Variants in MDN1 observed in about 807,000 individuals in gnomAD.
MDN1 encodes the protein midasin AAA ATPase 1.
Under a neutral mutation model 669.2 loss-of-function variants are expected in MDN1, and 266 were observed. The observed-to-expected ratio is 0.40, with a 90% confidence interval of 0.36 to 0.44. The LOEUF (loss-of-function observed/expected upper bound fraction) is 0.44. Ranked by LOEUF, MDN1 falls within the 20% of genes least tolerant of loss-of-function variation. The probability of loss-of-function intolerance (pLI) is 1.00; values close to 1 mark genes in which losing one functional copy is unlikely to be tolerated. For synonymous variants in MDN1, 2,385 were observed against 2,457.1 expected, an observed-to-expected ratio of 0.97 and a Z score of 0.87; for missense variants, 5,940 against 6,754.0, an observed-to-expected ratio of 0.88 and a Z score of 4.22.
In MDN1 at chr6:89,647,908, G is replaced by A. The variant is rs1001932099; in HGVS notation, c.16395+124C>T. 6 of 721,964 alleles carry A rather than the reference G, an allele frequency of 8.3e-6. No individual in the cohort carries two copies. The Admixed American group carries it at 1.3e-4, about 15-fold the overall frequency. The allele number at this position is 721,964 out of a possible 1,614,324, so 44.7% of individuals were successfully genotyped here. A position where few individuals can be genotyped will look rare whatever the true frequency, so the allele number is the denominator to read the frequency against. On this transcript the variant is annotated intron_variant, in intron 99 of 101. Transcript: ENST00000369393. ...TTCGAAGCTATAGTGAGCTATGATG[G>A]CGCCATTGTACTCTAGCCTGGGTGA...
chr6:89,800,804 C>G (rs947086239), intron 2 of MDN1, among the ~76,000 whole-genome samples: 1 of 152,044 alleles, frequency 6.6e-6, no homozygotes, highest in African/African-American at 2.4e-5. Flanking sequence ...ATGAGATACT[C>G]TTGTGGGACT....
chr6:89,817,835 G>C (rs1319492705), intron 1 of MDN1, among the ~76,000 whole-genome samples: 1 of 1,900 alleles, frequency 5.3e-4, no homozygotes, highest in East Asian at 0.17. Flanking sequence ...CATTTACGAC[G>C]GATAACTGTT....
chr6:89,726,057 C>T (rs1470234825), intron 37 of MDN1, among the ~76,000 whole-genome samples: 1 of 152,030 alleles, frequency 6.6e-6, no homozygotes, highest in African/African-American at 2.4e-5. Flanking sequence ...AAAAGTTAAA[C>T]TGTATCCATT....
Position 89,695,867 on chromosome 6 carries a change from C to A in MDN1, c.9509G>T (p.Ser3170Ile). Reference sequence around the variant, plus strand: ...CTGGCCCACATGCTGGAAGGCCTGGCTGCTCCCAAGCAGCAGCTGCTCACA... The same window carrying A: ...CTGGCCCACATGCTGGAAGGCCTGGATGCTCCCAAGCAGCAGCTGCTCACA... ...QNCEQLLLGS[S>I]QAFQHVGQTL... Residue 3170 changes from serine to isoleucine, a missense_variant, in exon 61 of 102, where the codon AGC (serine) becomes ATC (isoleucine). By Grantham distance (142) the Ser-to-Ile change is moderately radical. This residue lies in a region of MDN1 where 2,292 missense variants were observed against 2,638.3 expected (regional missense o/e 0.87). Coordinates refer to ENST00000369393, the MANE Select transcript of MDN1 (RefSeq NM_014611.3). This position sits in a 1 kb window ranked among gnomAD's most constrained non-coding sequence, Gnocchi z 4.1. The A allele has an allele frequency of 6.2e-7, 1 of 1,613,540 alleles. No individual in the cohort carries two copies. The highest frequency in any genetic ancestry group is 8.5e-7 in the Non-Finnish European group (1 of 1,180,036).
chr6:89,788,303 A>G (rs976505097), intron 7 of MDN1, among the ~76,000 whole-genome samples: 2 of 152,238 alleles, frequency 1.3e-5, no homozygotes, highest in African/African-American at 4.8e-5. Context: ...ACAAAGTCAT[A>G]TATAAAGATA....
intron 12 of MDN1, among the ~76,000 whole-genome samples, chr6:89,775,715 T>C (rs982986749): frequency 1.3e-5 from 2 of 152,206 alleles, no homozygotes; most frequent in African/African-American, 4.8e-5. Context: ...AGAAAGAGTC[T>C]GGATCTGTCG....
intron 11 of MDN1, among the ~76,000 whole-genome samples, chr6:89,778,666 C>T (rs139873491): frequency 0.11 from 16,927 of 151,478 alleles, 1,052 homozygotes; most frequent in South Asian, 0.16. Flanking sequence ...GGGTGGATCA[C>T]GAGGTCAGGA....
chr6:89,652,864 A>G, intron 94 of MDN1, 128 bp downstream of exon 94: 1 of 973,200 alleles, frequency 1.0e-6, no homozygotes. Flanking sequence ...TTTGAATAAG[A>G]ACATGAAACC....
chr6:89,718,563 A>G lies in MDN1; in HGVS notation c.6386T>C (p.Leu2129Ser), dbSNP rs144927261. ...EKVEGTVRAL[L>S]RDSLLISADD... ...AGCACTGATAAGGAGGCTATCCCTT[A>G]ACAGTGCCCTTACAGTTCCCTCCAC... is the stretch of plus-strand genomic sequence containing the variant. Residue 2129 changes from leucine (L) to serine (S), a missense_variant, in exon 43 of 102, where the codon TTA (leucine) becomes TCA (serine). Coordinates refer to ENST00000369393, the MANE Select transcript of MDN1 (RefSeq NM_014611.3). 3 of 1,614,056 alleles carry G rather than the reference A, an allele frequency of 1.9e-6. No homozygotes were observed. In the African/African-American group the frequency reaches 4.0e-5, roughly 22 times the overall value.
In MDN1 at chr6:89,706,208, AAT is replaced by A. The variant is rs1195188120; in HGVS notation, c.8015-18_8015-17del. 3 of 1,601,402 alleles carry A rather than the reference AAT, an allele frequency of 1.9e-6. No homozygotes were observed. Among genetic ancestry groups the A allele is most frequent in the Non-Finnish European group, 2.6e-6 (3 of 1,174,038 alleles). ...CTTTCTGGATCTGAGAGTCAACATA[AAT>A]AAAATGAGAACATTTCATCAGATTT... is the stretch of plus-strand genomic sequence containing the variant. On this transcript the variant is annotated splice_polypyrimidine_tract_variant and intron_variant, in intron 52 of 101. Transcript: ENST00000369393.
Position 89,717,926 on chromosome 6 carries a change from A to G in MDN1, c.6583+440T>C, listed in dbSNP as rs751178831. Among the ~76,000 whole-genome samples, 67 of 152,216 alleles carry G rather than the reference A, an allele frequency of 4.4e-4. 1 individual carries two copies. Among genetic ancestry groups the G allele is most frequent in the Non-Finnish European group, 2.5e-4 (17 of 68,036 alleles). On this transcript the variant is annotated intron_variant, in intron 43 of 101. Coordinates refer to ENST00000369393, the MANE Select transcript of MDN1 (RefSeq NM_014611.3). Reference sequence around the variant, plus strand: ...ACCACTCTGAAAGTGGCACCACAAAATGAGAGAAATTTCCATGTTAATTGG... The same window carrying G: ...ACCACTCTGAAAGTGGCACCACAAAGTGAGAGAAATTTCCATGTTAATTGG...
chr6:89,801,434 C>T (rs767742392), intron 2 of MDN1, among the ~76,000 whole-genome samples: 2 of 152,028 alleles, frequency 1.3e-5, no homozygotes, highest in African/African-American at 4.8e-5. Flanking sequence ...AGGCAGATCA[C>T]GAGGTCAGGA....
At chr6:89,687,081 C>G (rs1479391301) in intron 68 of MDN1, 58 bp from the exon 69 acceptor site, 1 of 1,593,428 alleles carries the variant, frequency 6.3e-7, no homozygotes, top group African/African-American at 1.4e-5. Flanking sequence ...ATATCTGAAA[C>G]CAAAGATGCA....
At chr6:89,745,161 A>T in intron 29 of MDN1, 112 bp downstream of exon 29, 1,078 of 818,570 alleles carry the variant, frequency 1.3e-3, no homozygotes, top group Non-Finnish European at 1.7e-3. Flanking sequence ...AAGAAAAAAG[A>T]GGAAGGAGGA....
chr6:89,672,552 T>A lies in MDN1; in HGVS notation c.13625A>T (p.Asp4542Val). 1 of 1,611,534 alleles carries A rather than the reference T, an allele frequency of 6.2e-7. No homozygotes were observed. The highest frequency in any genetic ancestry group is 8.5e-7 in the Non-Finnish European group (1 of 1,179,248). ...ENTDQASPQE[D>V]YAGFERLQSG... ...CTGCCTGATTTCAGACATACCATAATCTTCTTGTGGGCTTGCTTGGTCAGT... is the reference window on the plus strand; with the variant it reads ...CTGCCTGATTTCAGACATACCATAAACTTCTTGTGGGCTTGCTTGGTCAGT... Residue 4542 changes from aspartate (D) to valine (V), a missense_variant, in exon 81 of 102, where the codon GAT (aspartate) becomes GTT (valine). Physicochemically the swap from Asp to Val is radical, Grantham distance 152. This residue lies in a region of MDN1 where 2,280 missense variants were observed against 2,576.3 expected (regional missense o/e 0.88). Coordinates refer to ENST00000369393, the MANE Select transcript of MDN1 (RefSeq NM_014611.3).
intron 90 of MDN1, among the ~76,000 whole-genome samples, chr6:89,657,277 A>G (rs1025673354): frequency 6.6e-6 from 1 of 152,226 alleles, no homozygotes; most frequent in African/African-American, 2.4e-5. Flanking sequence ...CTCAATGAAT[A>G]TTTGTGGTGG....
chr6:89,710,275 A>G (rs1407759350), intron 50 of MDN1, among the ~76,000 whole-genome samples: 2 of 152,132 alleles, frequency 1.3e-5, no homozygotes, highest in Non-Finnish European at 2.9e-5. Flanking sequence ...CTACCAAGCC[A>G]GTTTGTGGCA....
chr6:89,663,692 T>C (rs1199388100), intron 85 of MDN1, among the ~76,000 whole-genome samples: 1 of 151,916 alleles, frequency 6.6e-6, no homozygotes, highest in East Asian at 1.9e-4. Flanking sequence ...CCCAGCACTT[T>C]GGGAGGCTGA....
intron 76 of MDN1, among the ~76,000 whole-genome samples, chr6:89,676,489 G>A (rs1811199122): frequency 1.3e-5 from 2 of 152,166 alleles, no homozygotes; most frequent in South Asian, 2.1e-4. Flanking sequence ...GATGCCTACA[G>A]GGGCCAGGCA....
Sources: gnomAD v4.1 joint callset for allele counts (sites outside exome capture counted in the v4.1 genomes callset) on GRCh38, gnomAD v4.1.1 for gene constraint, gnomAD v4.1.1 regional missense constraint, Gnocchi (gnomAD v3.1) non-coding constraint, MANE v1.5 for transcripts, NCBI Gene and HGNC (gene_info 2026-07-23, HGNC 2026-07-21) for gene names.